The following PDXDC1 variants were observed in gnomAD, a reference collection of about 807,000 sequenced individuals.
PDXDC1 encodes the protein pyridoxal dependent decarboxylase domain containing 1, also known as pyridoxal-dependent decarboxylase domain-containing protein 1.
PDXDC1 carries 42 observed loss-of-function variants against 100.1 expected under a neutral mutation model. That is an observed-to-expected ratio of 0.42 (90% CI 0.33 to 0.54). The LOEUF is 0.54. Among genes scored for constraint, PDXDC1 ranks in the 20% least tolerant of loss-of-function variants. The probability of loss-of-function intolerance (pLI) is 0.10; values close to 1 mark genes in which losing one functional copy is unlikely to be tolerated. For synonymous variants in PDXDC1, 260 were observed against 371.7 expected, an observed-to-expected ratio of 0.70 and a Z score of 3.46; for missense variants, 636 against 979.2, an observed-to-expected ratio of 0.65 and a Z score of 4.68.
At chr16:15,098,123 C>T (rs954231476) in intron 16 of PDXDC1, among the ~76,000 whole-genome samples, 1 of 149,068 alleles carries the variant, frequency 6.7e-6, no homozygotes, top group African/African-American at 2.5e-5. Flanking sequence ...AAGTGTTTTT[C>T]TAGGGTGGAA....
intron 1 of PDXDC1, among the ~76,000 whole-genome samples, chr16:14,982,513 C>A (rs1468473688): frequency 6.6e-6 from 1 of 152,228 alleles, no homozygotes; most frequent in Non-Finnish European, 1.5e-5. Context: ...GTCCCAGCTA[C>A]TCAGGAGATT....
At chr16:14,993,801 C>T (rs1432280599) in intron 1 of PDXDC1, among the ~76,000 whole-genome samples, 6 of 152,414 alleles carry the variant, frequency 3.9e-5, no homozygotes, top group African/African-American at 1.4e-4. Flanking sequence ...CTCTCCAGCA[C>T]CTGTTGTTTC....
intron 12 of PDXDC1, among the ~76,000 whole-genome samples, chr16:15,019,491 G>C (rs1329352001): frequency 1.3e-5 from 2 of 152,272 alleles, no homozygotes; most frequent in African/African-American, 4.8e-5. Flanking sequence ...GAGCATTCAG[G>C]CTTCTATAAC....
At chr16:15,011,216 C>G (rs1336146102) in intron 8 of PDXDC1, among the ~76,000 whole-genome samples, 1 of 152,274 alleles carries the variant, frequency 6.6e-6, no homozygotes, top group Non-Finnish European at 1.5e-5. Flanking sequence ...TGAGATTAAC[C>G]AAAGAAAATA....
chr16:14,988,299 G>T, intron 1 of PDXDC1: 1 of 1,613,670 alleles, frequency 6.2e-7, no homozygotes, highest in Admixed American at 1.7e-5. Flanking sequence ...GAGGGGCTTG[G>T]CTCCAGGCCC....
intron 19 of PDXDC1, among the ~76,000 whole-genome samples, chr16:15,033,932 A>G (rs1369948191): frequency 1.3e-5 from 2 of 152,212 alleles, no homozygotes; most frequent in East Asian, 3.9e-4. Context: ...AAGAGGGACC[A>G]AGGTAAGACT....
the PDXDC1 span, among the ~76,000 whole-genome samples, chr16:15,151,424 C>CA: frequency 0.013 from 189 of 14,428 alleles, 20 homozygotes; most frequent in Non-Finnish European, 0.02. Flanking sequence ...GACTCCGTCT[C>CA]AAAAAAAAAA....
chr16:15,075,319 T>C (rs530467967), intron 16 of PDXDC1, among the ~76,000 whole-genome samples: 1 of 149,622 alleles, frequency 6.7e-6, no homozygotes, highest in Admixed American at 6.7e-5. Flanking sequence ...CGCCTATAAT[T>C]ACCAACACTT....
the PDXDC1 span, among the ~76,000 whole-genome samples, chr16:15,144,592 A>G: frequency 1.3e-5 from 2 of 152,132 alleles, no homozygotes; most frequent in Non-Finnish European, 1.5e-5. Flanking sequence ...GTGTGAGACT[A>G]GCCGGGGAGC....
At chr16:15,047,708 G>C in intron 16 of PDXDC1, 1 of 890,806 alleles carries the variant, frequency 1.1e-6, no homozygotes. Context: ...TTCTGACCAG[G>C]ACACCAGGGA....
At chr16:14,984,007 T>G (rs1228819326) in intron 1 of PDXDC1, among the ~76,000 whole-genome samples, 2 of 152,192 alleles carry the variant, frequency 1.3e-5, no homozygotes, top group African/African-American at 4.8e-5. Flanking sequence ...CTATAAAAAA[T>G]AAAAACTTAG....
rs541302081 is a variant in PDXDC1, at chr16:15,056,437, G to A, written c.1399+26381G>A. On this transcript the variant is annotated intron_variant, in intron 16 of 16. Transcript: ENST00000535621. The stretch of plus-strand genomic sequence containing the variant: ...GTGACCTTCCACAAGCTTGAGTTTG[G>A]GACCCTGCTGTGCAGCTCCGTAGGA... Among the ~76,000 whole-genome samples, 16 of 152,324 alleles carry A rather than the reference G, an allele frequency of 1.1e-4. No homozygotes were observed. In the South Asian group the frequency reaches 3.3e-3, roughly 32 times the overall value.
At chr16:15,019,966 G>T (rs1226104712) in intron 12 of PDXDC1, among the ~76,000 whole-genome samples, 1 of 152,196 alleles carries the variant, frequency 6.6e-6, no homozygotes, top group African/African-American at 2.4e-5. Context: ...CAAAAAATTA[G>T]CTGGGCGTGG....
intron 16 of PDXDC1, chr16:15,086,336 C>T (rs746537552): frequency 6.2e-7 from 1 of 1,612,804 alleles, no homozygotes; most frequent in Non-Finnish European, 8.5e-7. Context: ...GAATTACATA[C>T]TTTACAGTAA....
intron 16 of PDXDC1, among the ~76,000 whole-genome samples, chr16:15,124,959 C>T (rs1304021387): frequency 2.7e-5 from 4 of 150,802 alleles, no homozygotes; most frequent in South Asian, 4.2e-4. Flanking sequence ...CCAGCCTCAC[C>T]AACATGCTGA....
intron 1 of PDXDC1, among the ~76,000 whole-genome samples, chr16:14,979,870 AC>A (rs1967560889): frequency 6.6e-6 from 1 of 152,276 alleles, no homozygotes; most frequent in African/African-American, 2.4e-5. Context: ...TGAGAAAAGA[AC>A]CCCTGTTAGG....
chr16:15,015,710 C>G (rs1467379303), intron 8 of PDXDC1: 1 of 239,780 alleles, frequency 4.2e-6, no homozygotes, highest in African/African-American at 2.6e-5. Flanking sequence ...TGTGAGACTC[C>G]GTCTCAAAAA....
At chr16:14,997,260 G>A (rs1292421449) in intron 1 of PDXDC1, among the ~76,000 whole-genome samples, 4 of 152,292 alleles carry the variant, frequency 2.6e-5, no homozygotes, top group Admixed American at 6.5e-5. Context: ...AAGGAGGCCA[G>A]GCACGGTGGC....
chr16:15,094,441 T>C (rs1423250787), intron 16 of PDXDC1: 16 of 605,196 alleles, frequency 2.6e-5, no homozygotes, highest in Non-Finnish European at 4.1e-5. Context: ...CCAGCGCTAG[T>C]GCGTGAGTAT....
Sources: allele counts gnomAD v4.1 joint callset (sites outside exome capture counted in the v4.1 genomes callset), GRCh38; gene constraint gnomAD v4.1.1; transcripts MANE v1.5; gene names NCBI Gene and HGNC (gene_info 2026-07-23, HGNC 2026-07-21).